CSMD1: variants seen among roughly 807,000 people sequenced by gnomAD.
CSMD1 encodes the protein CUB and sushi domain-containing protein 1.
CSMD1 carries 213 observed loss-of-function variants against 417.5 expected under a neutral mutation model. The ratio of observed to expected loss-of-function variants is 0.51; its 90% CI spans 0.46 to 0.57. The LOEUF is 0.57. Among genes scored for constraint, CSMD1 ranks in the 20% least tolerant of loss-of-function variants. The probability of loss-of-function intolerance (pLI) is 0.00; values close to 1 mark genes in which losing one functional copy is unlikely to be tolerated. For synonymous variants in CSMD1, 2,862 were observed against 1,736.8 expected (o/e 1.65, Z -16.11); for missense variants, 6,923 against 4,529.7 (o/e 1.53, Z -15.17).
chr8:4,371,436 G>T (rs1053106584), intron 3 of CSMD1, among the ~76,000 whole-genome samples: 5 of 152,132 alleles, frequency 3.3e-5, no homozygotes, highest in African/African-American at 1.2e-4. Context: ...GGTTTTTAAG[G>T]AGGAAATGGA....
intron 1 of CSMD1, among the ~76,000 whole-genome samples, chr8:4,859,602 C>T (rs1210762689): frequency 6.6e-6 from 1 of 151,992 alleles, no homozygotes; most frequent in Non-Finnish European, 1.5e-5. Flanking sequence ...GGGCGAAGGA[C>T]ATGAACAGAC....
rs185278251 is a variant in CSMD1, at chr8:3,606,045, T to C, written c.1097+10665A>G. Among the ~76,000 whole-genome samples, 37 of 152,284 alleles carry C rather than the reference T, an allele frequency of 2.4e-4. No homozygotes were observed. The East Asian group carries it at 6.6e-3, about 27-fold the overall frequency. ...CCTTTCCTACAAAATCACATGATTG[T>C]AATGAGATGATAGTAACATAAATAC... On this transcript the variant is annotated intron_variant, in intron 8 of 69. Transcript: ENST00000635120.
At chr8:3,837,364 C>T (rs1802779529) in intron 5 of CSMD1, among the ~76,000 whole-genome samples, 1 of 152,106 alleles carries the variant, frequency 6.6e-6, no homozygotes, top group South Asian at 2.1e-4. Flanking sequence ...CTATATTAAG[C>T]CACTAAATGG....
At chr8:3,904,348 T>C (rs375036567) in intron 5 of CSMD1, among the ~76,000 whole-genome samples, 20 of 152,268 alleles carry the variant, frequency 1.3e-4, no homozygotes, top group African/African-American at 4.8e-4. Flanking sequence ...ATAGAAAATA[T>C]GTGACAGATT....
chr8:4,048,144 G>C (rs904987710), intron 3 of CSMD1, among the ~76,000 whole-genome samples: 2 of 152,262 alleles, frequency 1.3e-5, no homozygotes, highest in South Asian at 2.1e-4. Context: ...AAGGTGAAAA[G>C]AATGAATGTA....
At chr8:3,054,424 C>A (rs1448089049) in intron 49 of CSMD1, among the ~76,000 whole-genome samples, 1 of 152,042 alleles carries the variant, frequency 6.6e-6, no homozygotes, top group African/African-American at 2.4e-5. Context: ...TCTACATTAG[C>A]CTGGGCAACA....
intron 3 of CSMD1, among the ~76,000 whole-genome samples, chr8:4,274,524 C>T (rs1319692440): frequency 1.3e-5 from 2 of 151,962 alleles, no homozygotes; most frequent in African/African-American, 4.8e-5. Context: ...TTGTTTAGTC[C>T]ACAAATTATA....
chr8:4,328,098 A>C (rs1799659110), intron 3 of CSMD1, among the ~76,000 whole-genome samples: 1 of 152,198 alleles, frequency 6.6e-6, no homozygotes, highest in African/African-American at 2.4e-5. Flanking sequence ...AACAGAAACT[A>C]TGCAAACAAG....
At chr8:3,099,600 G>T (rs1815586187) in intron 46 of CSMD1, among the ~76,000 whole-genome samples, 1 of 152,128 alleles carries the variant, frequency 6.6e-6, no homozygotes, top group Non-Finnish European at 1.5e-5. Flanking sequence ...TGCAGCTATA[G>T]TTATCAGTTG....
intron 1 of CSMD1, among the ~76,000 whole-genome samples, chr8:4,750,082 C>T (rs13248878): frequency 0.77 from 117,350 of 151,946 alleles, 45,440 homozygotes; most frequent in Admixed American, 0.81. Context: ...CTCGGCTCAC[C>T]GCAAGCTCCG....
At chr8:4,557,152 C>A (rs941015022) in intron 2 of CSMD1, among the ~76,000 whole-genome samples, 1 of 152,100 alleles carries the variant, frequency 6.6e-6, no homozygotes, top group Non-Finnish European at 1.5e-5. Flanking sequence ...TTTGCTTTTC[C>A]TTCCTGCTTA....
chr8:3,288,997 C>A (rs1445895347), intron 25 of CSMD1, among the ~76,000 whole-genome samples: 6 of 140,518 alleles, frequency 4.3e-5, no homozygotes, highest in Non-Finnish European at 8.9e-5. Context: ...CCACAACAGT[C>A]CCCGGTGTGT....
intron 52 of CSMD1, among the ~76,000 whole-genome samples, chr8:3,003,032 CAAT>C (rs1440087375): frequency 1.2e-4 from 18 of 152,296 alleles, no homozygotes; most frequent in Admixed American, 1.2e-3. Flanking sequence ...TATTTTGAAA[CAAT>C]GAGATAGCAA....
intron 2 of CSMD1, among the ~76,000 whole-genome samples, chr8:4,445,490 T>A (rs989574578): frequency 6.6e-6 from 1 of 152,240 alleles, no homozygotes; most frequent in African/African-American, 2.4e-5. Context: ...AAGTCTTTGC[T>A]TTCATAAAGC....
intron 31 of CSMD1, among the ~76,000 whole-genome samples, chr8:3,205,148 A>AT (rs1278930003): frequency 6.6e-6 from 1 of 152,206 alleles, no homozygotes; most frequent in African/African-American, 2.4e-5. Flanking sequence ...ATGCACAGAC[A>AT]TATACACAGA....
Position 3,450,130 on chromosome 8 carries a change from G to C in CSMD1, c.1561+18582C>G, listed in dbSNP as rs904309495. On this transcript the variant is annotated intron_variant, in intron 12 of 69. Transcript: ENST00000635120. ...TTCATGTATGTGTCCTGCACATCAGGATTTGCTTCGATGACGAACGTTGAC... is the reference window on the plus strand; with the variant it reads ...TTCATGTATGTGTCCTGCACATCAGCATTTGCTTCGATGACGAACGTTGAC... 3.9e-5 allele frequency among the ~76,000 whole-genome samples: 6 copies of C among 152,132 alleles called. No individual in the cohort carries two copies. In the Middle Eastern group the frequency reaches 9.5e-3, roughly 241 times the overall value.
intron 37 of CSMD1, among the ~76,000 whole-genome samples, chr8:3,176,781 T>C (rs1820962669): frequency 8.6e-6 from 1 of 116,810 alleles, no homozygotes. Context: ...TCTTTTTCTT[T>C]CTTTTTTTTT....
chr8:3,898,379 G>T (rs1012275353), intron 5 of CSMD1, among the ~76,000 whole-genome samples: 3 of 152,128 alleles, frequency 2.0e-5, no homozygotes, highest in African/African-American at 7.2e-5. Flanking sequence ...ATCTGTTATG[G>T]GGAGAAAGAA....
chr8:4,723,790 A>AC (rs1256569071), intron 1 of CSMD1, among the ~76,000 whole-genome samples: 1 of 146,828 alleles, frequency 6.8e-6, no homozygotes, highest in Non-Finnish European at 1.5e-5. Context: ...TCGAATGTAA[A>AC]AAAAAAAAAA....
Sources: gnomAD v4.1 joint callset for allele counts (sites outside exome capture counted in the v4.1 genomes callset) on GRCh38, gnomAD v4.1.1 for gene constraint, MANE v1.5 for transcripts, NCBI Gene and HGNC (gene_info 2026-07-23, HGNC 2026-07-21) for gene names.